Variants in CFAP47 observed in about 807,000 individuals in gnomAD.
The protein encoded by CFAP47 is cilia and flagella associated protein 47.
Under a neutral mutation model 148.1 loss-of-function variants are expected in CFAP47, and 29 were observed. That is an observed-to-expected ratio of 0.20 (90% CI 0.15 to 0.27). CFAP47 has a LOEUF of 0.27. CFAP47 is among the 10% of genes least tolerant of loss of function. The pLI, the probability that CFAP47 is intolerant of heterozygous loss-of-function variation, is 1.00. For synonymous variants in CFAP47, 664 were observed against 577.3 expected (o/e 1.15, Z -2.15); for missense variants, 1,872 against 1,697.5 (o/e 1.10, Z -1.81).
At chrX:36,114,275 C>A (rs1205026923) in intron 33 of CFAP47, among the ~76,000 whole-genome samples, 1 of 111,486 alleles carries the variant, frequency 9.0e-6, no homozygotes, top group African/African-American at 3.3e-5. Context: ...GTCCTAGTTT[C>A]CTTGGATTGT....
At chrX:36,239,897 A>G (rs1297368241) in intron 48 of CFAP47, among the ~76,000 whole-genome samples, 1 of 111,929 alleles carries the variant, frequency 8.9e-6, no homozygotes, top group Non-Finnish European at 1.9e-5. Flanking sequence ...TTGAGTACTT[A>G]AAGTATACAA....
rs777693031 is a variant in CFAP47 at position 36,136,527 on chromosome X, T to C, written c.5321-1431T>C. ...GAAATATTTTGCTTTTATTGATAGC[T>C]ATGGGTGGCAAATATACATTCAGAG... is the stretch of plus-strand genomic sequence containing the variant. On this transcript the variant is annotated intron_variant, in intron 33 of 63. Coordinates refer to ENST00000378653, the MANE Select transcript of CFAP47 (RefSeq NM_001304548.2). 4.5e-5 allele frequency among the ~76,000 whole-genome samples: 5 copies of C among 111,052 alleles called. No homozygotes were observed. In the South Asian group the frequency reaches 1.9e-3, roughly 42 times the overall value.
At chrX:36,247,679 T>C (rs1940633906) in intron 48 of CFAP47, among the ~76,000 whole-genome samples, 1 of 110,180 alleles carries the variant, frequency 9.1e-6, no homozygotes, top group East Asian at 2.8e-4. Flanking sequence ...TAGAGTAAAA[T>C]ATACGAAAAG....
intron 33 of CFAP47, among the ~76,000 whole-genome samples, chrX:36,119,236 G>A (rs944494272): frequency 9.0e-6 from 1 of 111,682 alleles, no homozygotes; most frequent in Non-Finnish European, 1.9e-5. Flanking sequence ...ATTATGTTAT[G>A]TCCCTTCTAT....
At chrX:36,126,443 G>A (rs1015937948) in intron 33 of CFAP47, among the ~76,000 whole-genome samples, 2 of 111,652 alleles carry the variant, frequency 1.8e-5, no homozygotes, top group South Asian at 3.8e-4. Flanking sequence ...TTTTATGGCT[G>A]CATAGTATTC....
At chrX:36,171,171 G>C (rs1364767733) in intron 39 of CFAP47, among the ~76,000 whole-genome samples, 2 of 106,440 alleles carry the variant, frequency 1.9e-5, no homozygotes, top group Non-Finnish European at 3.9e-5. Flanking sequence ...AAATTTGTTT[G>C]AGTTCATTGT....
chrX:36,114,220 A>G (rs930842923), intron 33 of CFAP47, among the ~76,000 whole-genome samples: 15 of 111,580 alleles, frequency 1.3e-4, no homozygotes, highest in African/African-American at 4.9e-4. Flanking sequence ...ATTCTTTTCT[A>G]TACTGCCTAT....
At position 36,170,616 on chromosome X, in the gene CFAP47, G is replaced by A. The variant is rs996452515; in HGVS notation, c.6027-8729G>A. Among the ~76,000 whole-genome samples the A allele has an allele frequency of 2.2e-4, 24 of 109,689 alleles. 1 individual carries two copies. Among genetic ancestry groups the A allele is most frequent in the African/African-American group, 7.7e-4 (23 of 30,024 alleles). On this transcript the variant is annotated intron_variant, in intron 39 of 63. Coordinates refer to ENST00000378653, the MANE Select transcript of CFAP47 (RefSeq NM_001304548.2). Reference sequence around the variant, plus strand: ...CCAATTTCATCCATGTCCCTACAAAGGACATGAACACATCATTTTTTATGG... The same window carrying A: ...CCAATTTCATCCATGTCCCTACAAAAGACATGAACACATCATTTTTTATGG...
intron 8 of CFAP47, 37 bp downstream of exon 8, chrX:35,956,233 A>C (rs1329583078): frequency 1.9e-6 from 2 of 1,032,150 alleles, no homozygotes; most frequent in Non-Finnish European, 2.7e-6. Context: ...ATGGCAGCTA[A>C]CATTTTAAGG....
intron 33 of CFAP47, among the ~76,000 whole-genome samples, chrX:36,127,721 A>G (rs1569267293): frequency 9.0e-6 from 1 of 111,462 alleles, no homozygotes; most frequent in African/African-American, 3.3e-5. Context: ...CTTCCTATCC[A>G]TAAGCATGGA....
chrX:36,011,553 A>AT (rs1195969403), intron 21 of CFAP47, among the ~76,000 whole-genome samples: 2 of 111,881 alleles, frequency 1.8e-5, no homozygotes, highest in African/African-American at 6.5e-5. Context: ...ATCTTACAAT[A>AT]TTTTTTAACA....
intron 45 of CFAP47, among the ~76,000 whole-genome samples, chrX:36,216,353 A>T (rs1297416289): frequency 9.0e-6 from 1 of 111,478 alleles, no homozygotes; most frequent in Non-Finnish European, 1.9e-5. Flanking sequence ...CCAGGTCCTG[A>T]GCCAATTTCT....
At chrX:36,186,072 A>G (rs1939803515) in intron 40 of CFAP47, among the ~76,000 whole-genome samples, 2 of 112,111 alleles carry the variant, frequency 1.8e-5, no homozygotes, top group South Asian at 3.7e-4. Flanking sequence ...TAAAATATAT[A>G]CTTGTTTATT....
Position 35,971,977 on chromosome X carries a change from CA to C in CFAP47, c.2254+17del. On this transcript the variant is annotated intron_variant, in intron 13 of 63. Coordinates refer to ENST00000378653, the MANE Select transcript of CFAP47 (RefSeq NM_001304548.2). ...TCAAGTAATTGTTGGTGAGAATACACAAAAACCTACTACAGCCTTTATTTTT... is the reference window on the plus strand; with the variant it reads ...TCAAGTAATTGTTGGTGAGAATACACAAAACCTACTACAGCCTTTATTTTT... 1 of 956,909 alleles carries C rather than the reference CA, an allele frequency of 1.0e-6. No individual in the cohort carries two copies. The highest frequency in any genetic ancestry group is 1.5e-6 in the Non-Finnish European group (1 of 684,045). 78.9% of individuals were successfully genotyped at this position (956,909 alleles called of 1,213,427 possible).
chrX:36,317,575 A>ATT (rs782049017), intron 56 of CFAP47, among the ~76,000 whole-genome samples: 7 of 88,651 alleles, frequency 7.9e-5, no homozygotes, highest in South Asian at 5.4e-4. Context: ...ACACCCAGCT[A>ATT]TTTTTTTTTT....
chrX:36,072,034 A>C, intron 28 of CFAP47, 63 bp downstream of exon 28: 1 of 877,834 alleles, frequency 1.1e-6, no homozygotes, highest in Non-Finnish European at 1.6e-6. Flanking sequence ...CCTTAATATC[A>C]CTTAATTTAA....
At chrX:35,978,892 CCTT>C (rs2146672861) in intron 15 of CFAP47, among the ~76,000 whole-genome samples, 2 of 111,744 alleles carry the variant, frequency 1.8e-5, no homozygotes, top group East Asian at 5.6e-4. Flanking sequence ...TTGTCTTTGT[CCTT>C]CTTCCCTGAG....
chrX:35,943,492 A>G (rs1389448992), intron 3 of CFAP47, among the ~76,000 whole-genome samples: 1 of 111,407 alleles, frequency 9.0e-6, no homozygotes, highest in Non-Finnish European at 1.9e-5. Context: ...TGGAGTAAAC[A>G]TCCATGGATC....
Position 36,213,503 on chromosome X carries a change from G to A in CFAP47, c.6817+8393G>A, listed in dbSNP as rs188969646. ...AATTATCCCTGCCCAGATCACTTGTGTAGTTAATCCATGTATTAGAATAAA... is the reference window on the plus strand; with the variant it reads ...AATTATCCCTGCCCAGATCACTTGTATAGTTAATCCATGTATTAGAATAAA... On this transcript the variant is annotated intron_variant, in intron 45 of 63. Coordinates refer to ENST00000378653, the MANE Select transcript of CFAP47 (RefSeq NM_001304548.2). Among the ~76,000 whole-genome samples the A allele has an allele frequency of 3.4e-3, 375 of 111,891 alleles. 1 individual carries two copies. The highest frequency in any genetic ancestry group is 0.011 in the African/African-American group (334 of 30,788).
Sources: allele counts gnomAD v4.1 joint callset (sites outside exome capture counted in the v4.1 genomes callset), GRCh38; gene constraint gnomAD v4.1.1; transcripts MANE v1.5; gene names NCBI Gene and HGNC (gene_info 2026-07-23, HGNC 2026-07-21).